The following HHAT variants were observed in gnomAD, a reference collection of about 807,000 sequenced individuals.
The protein encoded by HHAT is protein-cysteine N-palmitoyltransferase HHAT.
A neutral mutation model predicts 70.8 loss-of-function variants in HHAT; 47 were observed. That is an observed-to-expected ratio of 0.66 (90% CI 0.53 to 0.85). The LOEUF (loss-of-function observed/expected upper bound fraction) is 0.85, where lower values mean the gene tolerates loss of function less well. Ranked by LOEUF, HHAT falls within the 40% of genes least tolerant of loss-of-function variation. The pLI, the probability that HHAT is intolerant of heterozygous loss-of-function variation, is 0.00. For synonymous variants in HHAT, 228 were observed against 247.6 expected, an observed-to-expected ratio of 0.92 and a Z score of 0.74; for missense variants, 609 against 604.8, an observed-to-expected ratio of 1.01 and a Z score of -0.07.
At chr1:210,426,512 T>C (rs2093066632) in intron 7 of HHAT, among the ~76,000 whole-genome samples, 1 of 152,170 alleles carries the variant, frequency 6.6e-6, no homozygotes, top group Admixed American at 6.5e-5. Context: ...TGAGGTATGT[T>C]CCTTTAATAT....
chr1:210,627,018 C>T (rs777987765), intron 11 of HHAT, among the ~76,000 whole-genome samples: 9 of 152,274 alleles, frequency 5.9e-5, no homozygotes, highest in South Asian at 2.1e-4. Flanking sequence ...CGAGTGAGAA[C>T]GCTGACTTTA....
At chr1:210,447,457 A>G (rs914008973) in intron 7 of HHAT, among the ~76,000 whole-genome samples, 19 of 152,320 alleles carry the variant, frequency 1.2e-4, no homozygotes, top group Non-Finnish European at 2.1e-4. Context: ...GATTGAGGAT[A>G]ATTTAATTGG....
intron 9 of HHAT, among the ~76,000 whole-genome samples, chr1:210,558,754 T>G (rs1428561426): frequency 1.3e-5 from 2 of 152,170 alleles, no homozygotes; most frequent in Non-Finnish European, 2.9e-5. Flanking sequence ...GAAAAAGGCT[T>G]TTGAGCCATT....
At chr1:210,345,413 A>G (rs1391555291) in intron 1 of HHAT, among the ~76,000 whole-genome samples, 1 of 152,238 alleles carries the variant, frequency 6.6e-6, no homozygotes, top group Non-Finnish European at 1.5e-5. Flanking sequence ...TTTGAACTGC[A>G]TGGTGGCAGG....
chr1:210,540,571 T>C, intron 9 of HHAT, among the ~76,000 whole-genome samples: 1 of 150,046 alleles, frequency 6.7e-6, no homozygotes, highest in South Asian at 2.1e-4. Context: ...ACATAGTGTG[T>C]ATAAAAATAT....
At chr1:210,456,028 C>T (rs2093859350) in intron 7 of HHAT, among the ~76,000 whole-genome samples, 1 of 152,130 alleles carries the variant, frequency 6.6e-6, no homozygotes, top group African/African-American at 2.4e-5. Context: ...CCATAGCTCT[C>T]ATCAGGAGAG....
intron 8 of HHAT, among the ~76,000 whole-genome samples, chr1:210,477,750 G>T (rs1174218972): frequency 6.6e-6 from 1 of 152,160 alleles, no homozygotes; most frequent in Non-Finnish European, 1.5e-5. Flanking sequence ...GTGAGTGATT[G>T]CGAGGCAGTC....
At chr1:210,569,504 AT>A (rs1405086685) in intron 9 of HHAT, among the ~76,000 whole-genome samples, 1 of 147,220 alleles carries the variant, frequency 6.8e-6, no homozygotes, top group African/African-American at 2.5e-5. Flanking sequence ...TACCTTTTGG[AT>A]TTTCCATTGT....
At chr1:210,591,965 T>C (rs753043365) in intron 10 of HHAT, among the ~76,000 whole-genome samples, 4 of 152,176 alleles carry the variant, frequency 2.6e-5, no homozygotes, top group Non-Finnish European at 5.9e-5. Flanking sequence ...ACAGATATTT[T>C]CTCCCATTCT....
chr1:210,448,894 G>A (rs946903781), intron 7 of HHAT, among the ~76,000 whole-genome samples: 4 of 152,116 alleles, frequency 2.6e-5, no homozygotes, highest in African/African-American at 9.7e-5. Flanking sequence ...GTGCTGTCCT[G>A]AGACATTTAT....
rs75401104 is a variant in HHAT at position 210,588,034 on chromosome 1, C to T, written c.1180C>T (p.Leu394=). 842 of 1,613,860 alleles carry T rather than the reference C, an allele frequency of 5.2e-4. 7 individuals carry two copies. The East Asian group carries it at 0.013, about 25-fold the overall frequency. Residue 394 remains leucine (L), a synonymous_variant, in exon 10 of 12, where the codon CTG becomes TTG. Coordinates refer to ENST00000261458, the MANE Select transcript of HHAT (RefSeq NM_018194.6). ...YLWCWAALNW[L]GVTVENGVRR... is the part of the protein sequence containing the mutation. ...CTGGTGCTGGGCAGCGCTCAACTGG[C>T]TGGGAGTCACTGTGGAGAATGGAGT... is the stretch of plus-strand genomic sequence containing the variant.
At chr1:210,508,143 G>C (rs568932212) in intron 8 of HHAT, among the ~76,000 whole-genome samples, 2 of 144,596 alleles carry the variant, frequency 1.4e-5, no homozygotes, top group African/African-American at 2.6e-5. Flanking sequence ...AGGTTGCAGC[G>C]AGCCGAGATC....
intron 10 of HHAT, among the ~76,000 whole-genome samples, chr1:210,595,624 C>G (rs1188721527): frequency 1.3e-5 from 2 of 152,158 alleles, no homozygotes; most frequent in East Asian, 1.9e-4. Flanking sequence ...CTCTCCACCA[C>G]CTGTTGTTTC....
chr1:210,378,091 T>G (rs935947580), intron 3 of HHAT, among the ~76,000 whole-genome samples: 6 of 152,358 alleles, frequency 3.9e-5, no homozygotes, highest in Admixed American at 2.6e-4. Flanking sequence ...ACTCTTCCAA[T>G]AATTGCTCAA....
intron 1 of HHAT, among the ~76,000 whole-genome samples, chr1:210,347,632 G>A (rs764584): frequency 0.52 from 78,765 of 151,950 alleles, 20,827 homozygotes; most frequent in Admixed American, 0.6. Flanking sequence ...ATTACTTAGA[G>A]TATAGTCATG....
intron 1 of HHAT, among the ~76,000 whole-genome samples, chr1:210,333,060 A>AG (rs1558297061): frequency 6.6e-6 from 1 of 152,180 alleles, no homozygotes; most frequent in Non-Finnish European, 1.5e-5. Flanking sequence ...GACTAAAATA[A>AG]GTGTCGGATT....
At chr1:210,435,794 C>G (rs1208169449) in intron 7 of HHAT, among the ~76,000 whole-genome samples, 1 of 151,620 alleles carries the variant, frequency 6.6e-6, no homozygotes, top group Non-Finnish European at 1.5e-5. Flanking sequence ...GATCTTTTGT[C>G]CATTTTTAAA....
At chr1:210,344,672 T>G (rs1325846492) in intron 1 of HHAT, among the ~76,000 whole-genome samples, 2 of 152,160 alleles carry the variant, frequency 1.3e-5, no homozygotes, top group Non-Finnish European at 2.9e-5. Flanking sequence ...CCTCCCGTTT[T>G]GGGGAGCCTT....
At chr1:210,440,297 C>G (rs1572453163) in intron 7 of HHAT, among the ~76,000 whole-genome samples, 1 of 151,802 alleles carries the variant, frequency 6.6e-6, no homozygotes, top group East Asian at 1.9e-4. Context: ...GAAGGAGGGC[C>G]TGACAGAGGG....
Sources: allele counts gnomAD v4.1 joint callset (sites outside exome capture counted in the v4.1 genomes callset), GRCh38; gene constraint gnomAD v4.1.1; transcripts MANE v1.5; gene names NCBI Gene and HGNC (gene_info 2026-07-23, HGNC 2026-07-21).